The following SSH2 variants were observed in gnomAD, a reference collection of about 807,000 sequenced individuals.
SSH2 encodes slingshot protein phosphatase 2, also known as protein phosphatase Slingshot homolog 2.
Under a neutral mutation model 135.2 loss-of-function variants are expected in SSH2, and 37 were observed. That is an observed-to-expected ratio of 0.27 (90% CI 0.21 to 0.36). The LOEUF is 0.36. SSH2 is among the 10% of genes least tolerant of loss of function. The pLI is 1.00. For synonymous variants in SSH2, 628 were observed against 646.2 expected (o/e 0.97, Z 0.43); for missense variants, 1,408 against 1,765.3 (o/e 0.80, Z 3.63).
intron 14 of SSH2, among the ~76,000 whole-genome samples, chr17:29,638,282 G>GA (rs913290523): frequency 0.014 from 1,241 of 88,454 alleles, 12 homozygotes; most frequent in African/African-American, 0.044. Flanking sequence ...TCTGTGGTAA[G>GA]AAAAAAAAAA....
At chr17:29,847,093 GC>G (rs2043144425) in intron 2 of SSH2, among the ~76,000 whole-genome samples, 1 of 152,130 alleles carries the variant, frequency 6.6e-6, no homozygotes, top group Admixed American at 6.5e-5. Flanking sequence ...AAAAAGGTTT[GC>G]TATGTTTCTA....
intron 1 of SSH2, chr17:29,929,075 T>A (rs932868556): frequency 6.6e-6 from 1 of 151,982 alleles, no homozygotes; most frequent in Non-Finnish European, 1.5e-5. Context: ...GAGAATGGAG[T>A]GTAAACGAAT....
chr17:29,670,122 T>C (rs2037433558), intron 9 of SSH2, among the ~76,000 whole-genome samples: 1 of 152,118 alleles, frequency 6.6e-6, no homozygotes, highest in African/African-American at 2.4e-5. Context: ...CCTCAGGTGA[T>C]CTACCTGCCT....
intron 1 of SSH2, among the ~76,000 whole-genome samples, chr17:29,871,963 T>A (rs1421089979): frequency 6.6e-6 from 1 of 152,214 alleles, no homozygotes; most frequent in Non-Finnish European, 1.5e-5. Flanking sequence ...ATAATTACAT[T>A]GTAGAACACT....
chr17:29,746,001 T>G lies in SSH2; in HGVS notation c.189-42939A>C, dbSNP rs903911323. On this transcript the variant is annotated intron_variant, in intron 3 of 15. Transcript: ENST00000540801. The stretch of plus-strand genomic sequence containing the variant: ...ACCCAATAAATCTTTTAAGAGTTTT[T>G]AAAGAGAATGTTTAAGGAACGGGAT... Among the ~76,000 whole-genome samples, 5 of 152,190 alleles carry G rather than the reference T, an allele frequency of 3.3e-5. No homozygotes were observed. The South Asian group carries it at 1.0e-3, about 31-fold the overall frequency.
Position 29,630,887 on chromosome 17 carries a change from G to T in SSH2, c.4307C>A (p.Ala1436Glu), listed in dbSNP as rs1315779727. ...RTHPLRRLKK[A>E]NDKKRTTNPF... The stretch of plus-strand genomic sequence containing the variant: ...GTTGGTTGTCCGTTTTTTGTCATTT[G>T]CCTTTTTCAGTCTCCTAAGGGGGTG... The change falls in exon 16 of 16, where the codon GCA becomes GAA. Residue 1436 changes from alanine to glutamate, a missense_variant. Physicochemically the swap from Ala to Glu is moderately radical, Grantham distance 107. Around this residue, in one of 3 missense-constraint regions of SSH2, gnomAD observed 1,080 missense variants for 1,144.5 expected, o/e 0.94. Coordinates refer to ENST00000540801, the MANE Select transcript of SSH2 (RefSeq NM_001282129.2). The T allele has an allele frequency of 5.1e-6, 8 of 1,573,752 alleles. No homozygotes were observed. In the Admixed American group the frequency reaches 7.4e-5, roughly 14 times the overall value.
At chr17:29,912,721 A>C (rs2066787501) in intron 1 of SSH2, among the ~76,000 whole-genome samples, 1 of 152,092 alleles carries the variant, frequency 6.6e-6, no homozygotes, top group Non-Finnish European at 1.5e-5. Flanking sequence ...ACAGAGTGAG[A>C]TCCTGTCTCT....
rs200132267 is a variant in SSH2, at chr17:29,829,761, A to T, written c.144+19088T>A. ...ATAGCAAAGACAGGCAAATATTTTT[A>T]AAAAATCTCAACCTGGTCACTCCCC... On this transcript the variant is annotated intron_variant, in intron 2 of 15. Coordinates refer to ENST00000540801, the MANE Select transcript of SSH2 (RefSeq NM_001282129.2). Among the ~76,000 whole-genome samples the T allele has an allele frequency of 1.8e-3, 269 of 152,182 alleles. 1 individual carries two copies. The highest frequency in any genetic ancestry group is 0.012 in the Admixed American group (176 of 15,280).
rs1255151450 is a variant in SSH2, at chr17:29,913,361, T to C, written c.63+16577A>G. On this transcript the variant is annotated intron_variant, in intron 1 of 15. Coordinates refer to ENST00000540801, the MANE Select transcript of SSH2 (RefSeq NM_001282129.2). ...AAAAAAAAAAAAATATATATATATA[T>C]ATATATATATATATATATATATCCA... Among the ~76,000 whole-genome samples, 2 of 61,896 alleles carry C rather than the reference T, an allele frequency of 3.2e-5. 1 individual carries two copies. The highest frequency in any genetic ancestry group is 4.7e-4 in the Admixed American group (2 of 4,272). 40.6% of individuals were successfully genotyped at this position (61,896 alleles called of 152,430 possible). A position where few individuals can be genotyped will look rare whatever the true frequency, so the allele number is the denominator to read the frequency against.
chr17:29,851,523 TGGA>T (rs1025165602), intron 1 of SSH2, among the ~76,000 whole-genome samples: 2 of 151,794 alleles, frequency 1.3e-5, no homozygotes, highest in Admixed American at 1.3e-4. Context: ...ACCCAGGTGG[TGGA>T]GGTTACAGTG....
chr17:29,644,574 C>T (rs1351033360), intron 14 of SSH2, among the ~76,000 whole-genome samples: 3 of 152,062 alleles, frequency 2.0e-5, no homozygotes, highest in Non-Finnish European at 2.9e-5. Context: ...TTTGGGAGGC[C>T]GAGGCAGGCA....
intron 3 of SSH2, among the ~76,000 whole-genome samples, chr17:29,723,586 T>C (rs1256370995): frequency 1.3e-5 from 2 of 152,192 alleles, no homozygotes; most frequent in African/African-American, 2.4e-5. Context: ...GAAGGTAACA[T>C]GGCAGGAATG....
chr17:29,773,528 C>T (rs1171365272), intron 3 of SSH2, among the ~76,000 whole-genome samples: 2 of 152,148 alleles, frequency 1.3e-5, no homozygotes, highest in Admixed American at 6.5e-5. Context: ...TAATCTTCAA[C>T]ATCTTAGTTT....
chr17:29,692,673 G>C (rs1342090596), intron 5 of SSH2, among the ~76,000 whole-genome samples: 1 of 152,186 alleles, frequency 6.6e-6, no homozygotes, highest in African/African-American at 2.4e-5. Flanking sequence ...TCTCTTTAAA[G>C]CTTTAGCTTT....
intron 3 of SSH2, among the ~76,000 whole-genome samples, chr17:29,774,519 C>T (rs1045835515): frequency 6.6e-6 from 1 of 152,182 alleles, no homozygotes; most frequent in African/African-American, 2.4e-5. Context: ...CCCGCCTTGG[C>T]CTCCCAAAGT....
chr17:29,920,300 G>T (rs1410927274), intron 1 of SSH2, among the ~76,000 whole-genome samples: 1 of 152,208 alleles, frequency 6.6e-6, no homozygotes, highest in Non-Finnish European at 1.5e-5. Context: ...CTCACTTAAA[G>T]CCGGATAGGA....
At chr17:29,709,015 T>TATATATATAGAGAGAG (rs780981175) in intron 3 of SSH2, among the ~76,000 whole-genome samples, 241 of 81,586 alleles carry the variant, frequency 3.0e-3, no homozygotes, top group Non-Finnish European at 4.6e-3. Flanking sequence ...TATATATATA[T>TATATATATAGAGAGAG]AGAGAGAGAG....
intron 11 of SSH2, among the ~76,000 whole-genome samples, chr17:29,665,030 G>A (rs2037214405): frequency 6.6e-6 from 1 of 152,120 alleles, no homozygotes; most frequent in African/African-American, 2.4e-5. Context: ...TGCAGCTTCA[G>A]TCACATGAGC....
At chr17:29,921,113 A>C (rs1375558010) in intron 1 of SSH2, among the ~76,000 whole-genome samples, 1 of 152,190 alleles carries the variant, frequency 6.6e-6, no homozygotes, top group Non-Finnish European at 1.5e-5. Flanking sequence ...TTAAAACAAC[A>C]ATAAAATACT....
Sources: allele counts gnomAD v4.1 joint callset (sites outside exome capture counted in the v4.1 genomes callset), GRCh38; gene constraint gnomAD v4.1.1; regional missense constraint gnomAD v4.1.1; transcripts MANE v1.5; gene names NCBI Gene and HGNC (gene_info 2026-07-23, HGNC 2026-07-21).